Variants in CPLX1 observed in about 807,000 individuals in gnomAD.
The protein encoded by CPLX1 is complexin 1.
In CPLX1, 6 loss-of-function variants were observed where a neutral mutation model predicts 15.6. That is an observed-to-expected ratio of 0.39 (90% CI 0.21 to 0.76). The LOEUF (loss-of-function observed/expected upper bound fraction) is 0.76, where lower values mean the gene tolerates loss of function less well. CPLX1 is among the 30% of genes least tolerant of loss of function. The pLI is 0.43. For missense variants in CPLX1, 242 were observed against 188.6 expected (o/e 1.28, Z -1.66); for synonymous variants, 91 against 75.2 (o/e 1.21, Z -1.08).
chr4:792,053 C>T (rs1746191635), intron 3 of CPLX1, among the ~76,000 whole-genome samples: 2 of 152,160 alleles, frequency 1.3e-5, no homozygotes, highest in South Asian at 4.1e-4. Context: ...CAGTGGGTGC[C>T]CCCCTCCCTG....
intron 2 of CPLX1, among the ~76,000 whole-genome samples, chr4:812,347 G>A (rs1207413017): frequency 6.6e-6 from 1 of 152,178 alleles, no homozygotes; most frequent in Non-Finnish European, 1.5e-5. Flanking sequence ...AAAGTGCTGG[G>A]ATTACAGGCA....
intron 2 of CPLX1, among the ~76,000 whole-genome samples, chr4:799,602 C>T (rs1252844996): frequency 1.3e-5 from 2 of 152,304 alleles, no homozygotes; most frequent in East Asian, 3.9e-4. Flanking sequence ...GTGGCTCACA[C>T]CTGTAATCCC....
At chr4:818,567 G>A (rs1746803300) in intron 2 of CPLX1, among the ~76,000 whole-genome samples, 1 of 152,280 alleles carries the variant, frequency 6.6e-6, no homozygotes, top group African/African-American at 2.4e-5. Context: ...CTGAGCTGGA[G>A]CTGGGGTCCT....
intron 2 of CPLX1, among the ~76,000 whole-genome samples, chr4:816,585 T>C (rs116208309): frequency 0.015 from 2,328 of 152,248 alleles, 61 homozygotes; most frequent in African/African-American, 0.052. Context: ...TCCCAGTGAT[T>C]TTCTCATATC....
At chr4:815,766 G>A (rs1359972395) in intron 2 of CPLX1, among the ~76,000 whole-genome samples, 1 of 152,196 alleles carries the variant, frequency 6.6e-6, no homozygotes, top group Non-Finnish European at 1.5e-5. Context: ...ACCGTGAGAG[G>A]CTGTTGATAC....
rs530213639 is a variant in CPLX1 at position 787,292 on chromosome 4, A to G, written c.208-594T>C. 20 of 985,346 alleles carry G rather than the reference A, an allele frequency of 2.0e-5. No individual in the cohort carries two copies. The Admixed American group carries it at 1.1e-3, about 54-fold the overall frequency. 61.0% of individuals were successfully genotyped at this position (985,346 alleles called of 1,614,324 possible). On this transcript the variant is annotated intron_variant, in intron 3 of 3. Transcript: ENST00000304062. ...CACTGGGTGTCCTGGAATCCCGCCT[A>G]GTCGTGCCCTCAGCCAGTATGCCTG...
rs371341225 is a variant in CPLX1 at position 795,648 on chromosome 4, T to TG, written c.32-3041dup. 1.6e-3 allele frequency among the ~76,000 whole-genome samples: 241 copies of TG among 151,802 alleles called. 4 individuals are homozygous for TG. In the East Asian group the frequency reaches 0.022, roughly 14 times the overall value. ...TTCCCCCCGTGAGAGGTGGAGGCGG[T>TG]GGGGGGGCGCACCGGGCACGACCCC... is the stretch of plus-strand genomic sequence containing the variant. On this transcript the variant is annotated intron_variant, in intron 2 of 3. Coordinates refer to ENST00000304062, the MANE Select transcript of CPLX1 (RefSeq NM_006651.4).
At chr4:791,265 T>A (rs1746166873) in intron 3 of CPLX1, among the ~76,000 whole-genome samples, 1 of 151,008 alleles carries the variant, frequency 6.6e-6, no homozygotes, top group East Asian at 2.0e-4. Flanking sequence ...CCTGGAAACG[T>A]CCAGTGACCC....
intron 3 of CPLX1, among the ~76,000 whole-genome samples, chr4:791,815 C>T (rs577487771): frequency 3.3e-5 from 5 of 152,200 alleles, no homozygotes; most frequent in Admixed American, 2.0e-4. Flanking sequence ...CCACCATGCC[C>T]GCTCACCCCT....
intron 3 of CPLX1, among the ~76,000 whole-genome samples, chr4:790,127 G>A (rs1746126829): frequency 6.6e-6 from 1 of 152,152 alleles, no homozygotes; most frequent in Admixed American, 6.5e-5. Context: ...CAAAGGCTCT[G>A]TGGAGGAGGA....
chr4:798,906 T>C (rs756827637), intron 2 of CPLX1, among the ~76,000 whole-genome samples: 38 of 152,256 alleles, frequency 2.5e-4, no homozygotes, highest in Non-Finnish European at 4.9e-4. Context: ...AGATTTCTTA[T>C]ATAAGTGACA....
At chr4:823,615 G>A (rs927770884) in intron 2 of CPLX1, among the ~76,000 whole-genome samples, 3 of 152,224 alleles carry the variant, frequency 2.0e-5, no homozygotes, top group Non-Finnish European at 4.4e-5. Flanking sequence ...CTGGTGCTGG[G>A]GGAACACAGG....
intron 2 of CPLX1, among the ~76,000 whole-genome samples, chr4:818,249 G>A (rs922248207): frequency 7.2e-5 from 11 of 152,350 alleles, no homozygotes; most frequent in East Asian, 1.9e-4. Flanking sequence ...TTGCAGCACC[G>A]GGCCATGCCC....
intron 2 of CPLX1, among the ~76,000 whole-genome samples, chr4:819,775 C>T (rs1746827426): frequency 6.6e-6 from 1 of 152,258 alleles, no homozygotes; most frequent in Non-Finnish European, 1.5e-5. Flanking sequence ...AAGACCACCA[C>T]TAAACAGATG....
At chr4:804,028 C>G (rs143330209) in intron 2 of CPLX1, among the ~76,000 whole-genome samples, 1 of 152,258 alleles carries the variant, frequency 6.6e-6, no homozygotes, top group Non-Finnish European at 1.5e-5. Context: ...GCCGCTACTG[C>G]GGTGTTCAGT....
Position 786,358 on chromosome 4 carries a change from G to A in CPLX1, c.*143C>T. On this transcript the variant is annotated 3_prime_UTR_variant, in exon 4 of 4. Coordinates refer to ENST00000304062, the MANE Select transcript of CPLX1 (RefSeq NM_006651.4). ...CGCGCGCCCCTTGCCGGGTGAGGGAGGCGGCGGGCGCGGGCAGGGCGGGCC... is the reference window on the plus strand; with the variant it reads ...CGCGCGCCCCTTGCCGGGTGAGGGAAGCGGCGGGCGCGGGCAGGGCGGGCC... 4 of 884,370 alleles carry A rather than the reference G, an allele frequency of 4.5e-6. No homozygotes were observed. Among genetic ancestry groups the A allele is most frequent in the Non-Finnish European group, 6.3e-6 (4 of 634,478 alleles). The allele number at this position is 884,370 out of a possible 1,614,324, so 54.8% of individuals were successfully genotyped here. A position where few individuals can be genotyped will look rare whatever the true frequency, so the allele number is the denominator to read the frequency against.
intron 2 of CPLX1, among the ~76,000 whole-genome samples, chr4:809,233 C>T (rs1746613960): frequency 6.6e-6 from 1 of 152,248 alleles, no homozygotes; most frequent in South Asian, 2.1e-4. Context: ...TCTCGCCACC[C>T]CACGTCCTCG....
intron 3 of CPLX1, among the ~76,000 whole-genome samples, chr4:789,152 A>G (rs6811216): frequency 0.4 from 61,351 of 152,094 alleles, 13,444 homozygotes; most frequent in African/African-American, 0.57. Flanking sequence ...CCGGGAAAAC[A>G]GGCTCCGGGG....
chr4:788,925 TC>T (rs1206924963), intron 3 of CPLX1, among the ~76,000 whole-genome samples: 4 of 152,184 alleles, frequency 2.6e-5, no homozygotes, highest in Non-Finnish European at 5.9e-5. Flanking sequence ...CAAAGGAACC[TC>T]CCAGGTCAGG....
Sources: allele counts gnomAD v4.1 joint callset (sites outside exome capture counted in the v4.1 genomes callset), GRCh38; gene constraint gnomAD v4.1.1; transcripts MANE v1.5; gene names NCBI Gene and HGNC (gene_info 2026-07-23, HGNC 2026-07-21).